Variants in GNPNAT1 observed in about 807,000 individuals in gnomAD.
GNPNAT1 encodes glucosamine-phosphate N-acetyltransferase 1.
Under a neutral mutation model 19.8 loss-of-function variants are expected in GNPNAT1, and 11 were observed. The ratio of observed to expected loss-of-function variants is 0.56; its 90% CI spans 0.35 to 0.92. The LOEUF (loss-of-function observed/expected upper bound fraction) is 0.92, where lower values mean the gene tolerates loss of function less well. Ranked by LOEUF, GNPNAT1 falls within the 40% of genes least tolerant of loss-of-function variation. The pLI is 0.01. For missense variants in GNPNAT1, 157 were observed against 211.0 expected, an observed-to-expected ratio of 0.74 and a Z score of 1.59; for synonymous variants, 71 against 72.3, an observed-to-expected ratio of 0.98 and a Z score of 0.09.
intron 5 of GNPNAT1, among the ~76,000 whole-genome samples, chr14:52,778,998 AGAGT>A (rs1433238692): frequency 6.6e-6 from 1 of 152,140 alleles, no homozygotes; most frequent in Non-Finnish European, 1.5e-5. Context: ...CCTGGGCAAC[AGAGT>A]GAGTCTCTGT....
rs1882788721 is a variant in GNPNAT1, at chr14:52,778,290, G to A, written c.*21C>T. 1 of 1,562,892 alleles carries A rather than the reference G, an allele frequency of 6.4e-7. No individual in the cohort carries two copies. The highest frequency in any genetic ancestry group is 8.6e-7 in the Non-Finnish European group (1 of 1,158,408). On this transcript the variant is annotated 3_prime_UTR_variant, in exon 6 of 6. Coordinates refer to ENST00000216410, the MANE Select transcript of GNPNAT1 (RefSeq NM_198066.4). ...GTAGCCTTGTAGCATTAGCCCCTTT[G>A]ACAATTTTCTTACAAGATTTTTACT...
At chr14:52,787,760 C>A (rs1461562154) in intron 1 of GNPNAT1, 1 of 151,970 alleles carries the variant, frequency 6.6e-6, no homozygotes, top group African/African-American at 2.4e-5. Context: ...ACTGCAAGTA[C>A]TTAATAAGAT....
chr14:52,783,431 T>A lies in GNPNAT1; in HGVS notation c.209A>T (p.Gln70Leu). The A allele has an allele frequency of 6.2e-7, 1 of 1,605,480 alleles. No individual in the cohort carries two copies. The highest frequency in any genetic ancestry group is 8.5e-7 in the Non-Finnish European group (1 of 1,173,168). The part of the protein sequence containing the change: ...LTETGVVSPE[Q>L]FMKSFEHMKK... ...GAGGTTATAGTACTTACTCATAAAT[T>A]GTTCAGGGCTGACAACTCCAGTCTC... Residue 70 changes from glutamine (Q) to leucine (L), a missense_variant, in exon 3 of 6, where the codon CAA (glutamine) becomes CTA (leucine). Coordinates refer to ENST00000216410, the MANE Select transcript of GNPNAT1 (RefSeq NM_198066.4).
chr14:52,783,544 A>C, intron 2 of GNPNAT1, 59 bp from the exon 3 acceptor site: 1 of 1,096,912 alleles, frequency 9.1e-7, no homozygotes, highest in Non-Finnish European at 1.4e-6. Flanking sequence ...CAGTATGAAA[A>C]TAAGCAATAT....
At chr14:52,785,309 T>A (rs1049103221) in intron 1 of GNPNAT1, among the ~76,000 whole-genome samples, 4 of 152,184 alleles carry the variant, frequency 2.6e-5, no homozygotes, top group Non-Finnish European at 5.9e-5. Context: ...GCTCTTAAAT[T>A]TTTTACATTA....
intron 1 of GNPNAT1, among the ~76,000 whole-genome samples, chr14:52,790,986 T>TG (rs1226277101): frequency 6.6e-6 from 1 of 152,132 alleles, no homozygotes; most frequent in Non-Finnish European, 1.5e-5. Flanking sequence ...TCGGAGCAGC[T>TG]GCCTCAATGG....
chr14:52,781,897 T>C lies in GNPNAT1; in HGVS notation c.232A>G (p.Met78Val), dbSNP rs1467749214. 1 of 1,607,582 alleles carries C rather than the reference T, an allele frequency of 6.2e-7. No individual in the cohort carries two copies. Among genetic ancestry groups the C allele is most frequent in the East Asian group, 2.2e-5 (1 of 44,540 alleles). Reference protein sequence around the residue: ...PEQFMKSFEHMKKSGDYYVTV... With the variant: ...PEQFMKSFEHVKKSGDYYVTV... ...ACATAATAATCCCCAGATTTCTTCA[T>C]ATGCTCAAAAGATTCTGTGGAAATT... Residue 78 changes from methionine to valine, a missense_variant, in exon 4 of 6, where the codon ATG (methionine) becomes GTG (valine). Coordinates refer to ENST00000216410, the MANE Select transcript of GNPNAT1 (RefSeq NM_198066.4).
At chr14:52,785,395 T>A (rs571818175) in intron 1 of GNPNAT1, among the ~76,000 whole-genome samples, 55 of 152,128 alleles carry the variant, frequency 3.6e-4, no homozygotes, top group Middle Eastern at 3.4e-3. Context: ...AAATTTTTTT[T>A]AAAAAAGTAA....
intron 5 of GNPNAT1, among the ~76,000 whole-genome samples, chr14:52,779,075 A>T (rs1882816685): frequency 6.6e-6 from 1 of 152,222 alleles, no homozygotes; most frequent in Non-Finnish European, 1.5e-5. Flanking sequence ...CTTTAAAAAA[A>T]AAAATGACCA....
intron 1 of GNPNAT1, chr14:52,787,820 CA>C (rs1469002492): frequency 6.6e-6 from 1 of 151,528 alleles, no homozygotes; most frequent in Admixed American, 6.6e-5. Context: ...AATTCTTGTT[CA>C]TTTTTTTTTA....
At chr14:52,786,857 ATTTTTTTTTTTTT>A (rs567085170) in intron 1 of GNPNAT1, among the ~76,000 whole-genome samples, 39,139 of 99,950 alleles carry the variant, frequency 0.39, 6,681 homozygotes, top group Admixed American at 0.49. Flanking sequence ...CAGGTTTTGG[ATTTTTTTTTTTTT>A]TTTTTTTTTT....
chr14:52,781,427 A>G (rs1399889843), intron 4 of GNPNAT1, among the ~76,000 whole-genome samples: 1 of 152,104 alleles, frequency 6.6e-6, no homozygotes, highest in Non-Finnish European at 1.5e-5. Context: ...CATGCATTAG[A>G]TGTATCATAA....
At chr14:52,786,039 C>T (rs1365318822) in intron 1 of GNPNAT1, among the ~76,000 whole-genome samples, 3 of 146,228 alleles carry the variant, frequency 2.1e-5, no homozygotes, top group South Asian at 4.6e-4. Context: ...GTGTGAGCCA[C>T]CATGTCTAGC....
At chr14:52,786,528 C>A (rs749563112) in intron 1 of GNPNAT1, among the ~76,000 whole-genome samples, 8 of 151,972 alleles carry the variant, frequency 5.3e-5, no homozygotes, top group Non-Finnish European at 1.2e-4. Context: ...TAAAATTAAA[C>A]TGTATAGTGT....
intron 1 of GNPNAT1, among the ~76,000 whole-genome samples, chr14:52,787,550 G>A (rs553638118): frequency 9.2e-5 from 14 of 152,204 alleles, no homozygotes; most frequent in Non-Finnish European, 1.9e-4. Context: ...CAAAATTAGC[G>A]GAGCCAGGAT....
At chr14:52,781,599 A>G (rs1344746005) in intron 4 of GNPNAT1, 185 bp downstream of exon 4, 1 of 510,388 alleles carries the variant, frequency 2.0e-6, no homozygotes, top group East Asian at 3.9e-5. Flanking sequence ...TCCACCTTAC[A>G]GAACAATTTT....
intron 5 of GNPNAT1, among the ~76,000 whole-genome samples, chr14:52,779,783 G>A (rs956406362): frequency 7.0e-5 from 10 of 143,300 alleles, no homozygotes; most frequent in Non-Finnish European, 1.2e-4. Context: ...ACAAGAAATC[G>A]GTCTGTTTTG....
chr14:52,786,857 A>ATTTTTTTTT (rs567085170), intron 1 of GNPNAT1, among the ~76,000 whole-genome samples: 7 of 98,688 alleles, frequency 7.1e-5, no homozygotes, highest in African/African-American at 1.5e-4. Flanking sequence ...CAGGTTTTGG[A>ATTTTTTTTT]TTTTTTTTTT....
At chr14:52,782,689 T>A (rs1236527431) in intron 3 of GNPNAT1, among the ~76,000 whole-genome samples, 3 of 123,314 alleles carry the variant, frequency 2.4e-5, no homozygotes, top group Non-Finnish European at 5.3e-5. Flanking sequence ...AAAAAGAAAT[T>A]CAGTGAATGA....
Sources: gnomAD v4.1 joint callset for allele counts (sites outside exome capture counted in the v4.1 genomes callset) on GRCh38, gnomAD v4.1.1 for gene constraint, MANE v1.5 for transcripts, NCBI Gene and HGNC (gene_info 2026-07-23, HGNC 2026-07-21) for gene names.